TPTE2: variants seen among roughly 807,000 people sequenced by gnomAD.
The protein encoded by TPTE2 is transmembrane phosphoinositide 3-phosphatase and tensin homolog 2.
Under a neutral mutation model 78.6 loss-of-function variants are expected in TPTE2, and 53 were observed. The ratio of observed to expected loss-of-function variants is 0.67; its 90% CI spans 0.54 to 0.85. The LOEUF (loss-of-function observed/expected upper bound fraction) is 0.85. Among genes scored for constraint, TPTE2 ranks in the 40% least tolerant of loss-of-function variants. TPTE2 has a pLI of 0.00. For missense variants in TPTE2, 461 were observed against 623.0 expected (o/e 0.74, Z 2.77); for synonymous variants, 175 against 206.2 (o/e 0.85, Z 1.30).
At chr13:19,491,682 G>A (rs1210814994) in intron 3 of TPTE2, among the ~76,000 whole-genome samples, 1 of 151,830 alleles carries the variant, frequency 6.6e-6, no homozygotes, top group East Asian at 1.9e-4. Flanking sequence ...AAAATTAGAC[G>A]GGCATGGTGG....
the TPTE2 span, among the ~76,000 whole-genome samples, chr13:19,542,287 G>T: frequency 6.6e-6 from 1 of 151,910 alleles, no homozygotes. Context: ...CAAGTCACTG[G>T]GATTACAGAC....
intron 1 of TPTE2, among the ~76,000 whole-genome samples, chr13:19,515,361 T>C (rs991400534): frequency 2.2e-4 from 34 of 152,322 alleles, no homozygotes; most frequent in African/African-American, 7.5e-4. Flanking sequence ...GGAAACAATA[T>C]ATTAAATGGT....
the TPTE2 span, among the ~76,000 whole-genome samples, chr13:19,545,499 G>A: frequency 6.6e-6 from 1 of 152,192 alleles, no homozygotes; most frequent in African/African-American, 2.4e-5. Flanking sequence ...ATGCTGAATG[G>A]TGAGACAGCC....
chr13:19,513,724 G>A lies in TPTE2; in HGVS notation c.-43-10447C>T, dbSNP rs1314321167. Among the ~76,000 whole-genome samples, 4 of 151,940 alleles carry A rather than the reference G, an allele frequency of 2.6e-5. No individual in the cohort carries two copies. In the South Asian group the frequency reaches 8.3e-4, roughly 32 times the overall value. On this transcript the variant is annotated intron_variant, in intron 1 of 17. Coordinates refer to the TPTE2 transcript ENST00000390680. ...ATGTGTTGGTAATAAAAATTGTTTAGGACTCTCAAAAAAGTTTAATGAATC... is the reference window on the plus strand; with the variant it reads ...ATGTGTTGGTAATAAAAATTGTTTAAGACTCTCAAAAAAGTTTAATGAATC...
chr13:19,536,324 A>G (rs943170152), intron 1 of TPTE2, among the ~76,000 whole-genome samples: 12 of 152,174 alleles, frequency 7.9e-5, no homozygotes, highest in Non-Finnish European at 1.3e-4. Flanking sequence ...TATGCATAAC[A>G]TATACTATAA....
rs866095974 is a variant in TPTE2 at position 19,473,913 on chromosome 13, C to T, written c.392+1G>A. 6.3e-7 allele frequency: 1 copy of T among 1,593,938 alleles called. No individual in the cohort carries two copies. Among genetic ancestry groups the T allele is most frequent in the South Asian group, 1.2e-5 (1 of 86,918 alleles). ...TGCATTATAAAAATAATCAAACTTA[C>T]CCTTCTACAAATACTCGAAGAAGAA... is the stretch of plus-strand genomic sequence containing the variant. On this transcript the variant is annotated splice_donor_variant, in intron 6 of 19. Transcript: ENST00000400230. LOFTEE classifies it high-confidence loss of function.
chr13:19,432,030 AAT>A (rs1336850345), intron 16 of TPTE2, among the ~76,000 whole-genome samples: 1 of 49,150 alleles, frequency 2.0e-5, no homozygotes, highest in Admixed American at 2.0e-4. Context: ...ATGAGAAAAA[AAT>A]ATGCCTCTAA....
intron 13 of TPTE2, among the ~76,000 whole-genome samples, chr13:19,441,103 A>T (rs1267872649): frequency 6.6e-5 from 10 of 151,788 alleles, no homozygotes; most frequent in Non-Finnish European, 1.3e-4. Flanking sequence ...AAAAAAAAAT[A>T]ATTTCCTTTG....
intron 1 of TPTE2, among the ~76,000 whole-genome samples, chr13:19,517,826 G>A (rs987705837): frequency 5.3e-5 from 8 of 152,156 alleles, no homozygotes; most frequent in African/African-American, 1.9e-4. Context: ...CATACATACA[G>A]ATACTCATTA....
the TPTE2 span, among the ~76,000 whole-genome samples, chr13:19,555,634 C>T: frequency 6.6e-6 from 1 of 152,028 alleles, no homozygotes; most frequent in African/African-American, 2.4e-5. Context: ...TCATTTGATA[C>T]TGTTTGATAG....
At chr13:19,517,707 G>A (rs116286761) in intron 1 of TPTE2, among the ~76,000 whole-genome samples, 3,227 of 152,180 alleles carry the variant, frequency 0.021, 121 homozygotes, top group African/African-American at 0.074. Context: ...AGAACTCTGC[G>A]TCCATGGCAA....
intron 1 of TPTE2, among the ~76,000 whole-genome samples, chr13:19,529,631 C>T (rs1870740957): frequency 6.6e-6 from 1 of 152,146 alleles, no homozygotes; most frequent in South Asian, 2.1e-4. Flanking sequence ...ACTCCCTTCC[C>T]CTACTTTCTT....
chr13:19,501,550 G>A (rs2137669360), intron 1 of TPTE2, among the ~76,000 whole-genome samples: 1 of 150,408 alleles, frequency 6.6e-6, no homozygotes, highest in East Asian at 2.0e-4. Context: ...AAGCAATGGG[G>A]AAAGGATTCC....
chr13:19,480,800 T>G (rs1027590035), intron 4 of TPTE2, among the ~76,000 whole-genome samples: 2 of 152,188 alleles, frequency 1.3e-5, no homozygotes, highest in African/African-American at 4.8e-5. Flanking sequence ...TCAATATCAA[T>G]AGCGTCACAA....
chr13:19,508,054 C>T (rs1869189088), upstream of TPTE2, among the ~76,000 whole-genome samples: 1 of 152,092 alleles, frequency 6.6e-6, no homozygotes, highest in South Asian at 2.1e-4. Context: ...CCCTGGGGCA[C>T]ATCACTTCTC....
intron 3 of TPTE2, among the ~76,000 whole-genome samples, chr13:19,483,162 G>A (rs1315704484): frequency 1.3e-5 from 2 of 152,218 alleles, no homozygotes; most frequent in Non-Finnish European, 2.9e-5. Context: ...GCTGCTGACT[G>A]ATCAGAGTGG....
chr13:19,468,191 A>G (rs1259599373), intron 6 of TPTE2, among the ~76,000 whole-genome samples: 1 of 150,634 alleles, frequency 6.6e-6, no homozygotes, highest in Non-Finnish European at 1.5e-5. Context: ...CAGGCGACCG[A>G]CACCACACCC....
At chr13:19,476,835 A>G (rs922978598) in intron 4 of TPTE2, among the ~76,000 whole-genome samples, 8 of 152,240 alleles carry the variant, frequency 5.3e-5, no homozygotes, top group African/African-American at 1.9e-4. Flanking sequence ...AAGCAGAACT[A>G]TTTGACTGAG....
Position 19,436,221 on chromosome 13 carries a change from C to T in TPTE2, c.1116+5G>A, listed in dbSNP as rs1280698424. On this transcript the variant is annotated splice_donor_5th_base_variant and intron_variant, in intron 15 of 19. Coordinates refer to ENST00000400230, the Ensembl canonical transcript of TPTE2. The stretch of plus-strand genomic sequence containing the variant: ...AAAACTCCCATTTTTAAAAAGAAAA[C>T]TTACCTGAGAAGGAGTTTCTACTCC... 2 of 1,606,376 alleles carry T rather than the reference C, an allele frequency of 1.2e-6. No homozygotes were observed. The highest frequency in any genetic ancestry group is 2.7e-5 in the African/African-American group (2 of 74,438).
Sources: allele counts gnomAD v4.1 joint callset (sites outside exome capture counted in the v4.1 genomes callset), GRCh38; gene constraint gnomAD v4.1.1; transcripts MANE v1.5; gene names NCBI Gene and HGNC (gene_info 2026-07-23, HGNC 2026-07-21).